Variants in MYH2 observed in about 807,000 individuals in gnomAD.
MYH2 encodes myosin heavy chain 2, also known as myosin-2.
In MYH2, 139 loss-of-function variants were observed where a neutral mutation model predicts 228.1. That is an observed-to-expected ratio of 0.61 (90% confidence interval 0.53 to 0.70). MYH2 has a LOEUF of 0.70. Ranked by LOEUF, MYH2 falls within the 30% of genes least tolerant of loss-of-function variation. MYH2 has a pLI of 0.00. For missense variants in MYH2, 1,809 were observed against 2,357.5 expected (o/e 0.77, Z 4.82); for synonymous variants, 796 against 871.1 (o/e 0.91, Z 1.52).
chr17:10,533,581 G>C lies in MYH2; in HGVS notation c.2232C>G (p.Ser744Arg), dbSNP rs201382074. Reference protein sequence around the residue: ...SAIPEGQFIDSKKASEKLLAS... With the variant: ...SAIPEGQFIDRKKASEKLLAS... Reference sequence around the variant, plus strand: ...CAAGGAGCTTCTCAGAGGCCTTCTTGCTATCAATGAATTGCCCTTCAGGGA... The same window carrying C: ...CAAGGAGCTTCTCAGAGGCCTTCTTCCTATCAATGAATTGCCCTTCAGGGA... The change falls in exon 20 of 40, where the codon AGC becomes AGG. Residue 744 changes from serine to arginine, a missense_variant. Ser to Arg is a moderately radical substitution (Grantham distance 110). Transcript: ENST00000245503. The C allele has an allele frequency of 9.3e-6, 15 of 1,614,124 alleles. No homozygotes were observed. The highest frequency in any genetic ancestry group is 1.2e-5 in the Non-Finnish European group (14 of 1,179,966).
In MYH2 at chr17:10,524,794, G is replaced by T; in HGVS notation, c.4934C>A (p.Ala1645Asp). 6.2e-7 allele frequency: 1 copy of T among 1,614,100 alleles called. No homozygotes were observed. The highest frequency in any genetic ancestry group is 8.5e-7 in the Non-Finnish European group (1 of 1,180,018). The stretch of plus-strand genomic sequence containing the variant: ...TTGGGTGTTCCTGTAGTTCCTCAGG[G>T]CCTCAGCAGCCATGCGGTTGGCATG... The part of the protein sequence containing the change: ...LNHANRMAAE[A>D]LRNYRNTQGI... The change falls in exon 34 of 40, where the codon GCC becomes GAC. Residue 1645 changes from alanine (A) to aspartate (D), a missense_variant. This residue lies in a region of MYH2 where 75 missense variants were observed against 131.2 expected (regional missense o/e 0.57). Coordinates refer to ENST00000245503, the MANE Select transcript of MYH2 (RefSeq NM_017534.6). This position sits in a 1 kb window ranked among gnomAD's most constrained non-coding sequence, Gnocchi z 4.7.
At position 10,543,772 on chromosome 17, in the gene MYH2, T is replaced by A. The variant is rs1241748144; in HGVS notation, c.680A>T (p.Asn227Ile). The change falls in exon 8 of 40, where the codon AAC (asparagine) becomes ATC (isoleucine). Residue 227 changes from asparagine (N) to isoleucine (I), a missense_variant. This residue lies in a region of MYH2 where 373 missense variants were observed against 620.4 expected (regional missense o/e 0.60). Transcript: ENST00000245503. ...GTLEDQIISA[N>I]PLLEAFGNAK... The stretch of plus-strand genomic sequence containing the variant: ...GTTGCCAAAGGCCTCCAGTAGGGGG[T>A]TGGCACTGATGATTTGATCTTCCAG... 11 of 1,613,988 alleles carry A rather than the reference T, an allele frequency of 6.8e-6. No homozygotes were observed. The South Asian group carries it at 1.2e-4, about 18-fold the overall frequency.
chr17:10,531,366 A>C (rs1204396748), intron 22 of MYH2, among the ~76,000 whole-genome samples: 1 of 152,210 alleles, frequency 6.6e-6, no homozygotes, highest in Non-Finnish European at 1.5e-5. Flanking sequence ...GTATTTAAAG[A>C]GAAAATAAGT....
Position 10,525,589 on chromosome 17 carries a change from C to T in MYH2, c.4399G>A (p.Glu1467Lys). ...KILAEWKQKCEETHAELEASQ... is the reference protein window; with the variant it reads ...KILAEWKQKCKETHAELEASQ... ...GCCTCAAGCTCAGCATGCGTTTCCT[C>T]ACATTTCTGTTTCCATTCTGCCAGG... The change falls in exon 32 of 40, where the codon GAG (glutamate) becomes AAG (lysine). Residue 1467 changes from glutamate (E) to lysine (K), a missense_variant. This residue lies in a region of MYH2 where 636 missense variants were observed against 729.9 expected (regional missense o/e 0.87). Coordinates refer to ENST00000245503, the MANE Select transcript of MYH2 (RefSeq NM_017534.6). This position sits in a 1 kb window ranked among gnomAD's most constrained non-coding sequence, Gnocchi z 4.2. 1 of 1,614,206 alleles carries T rather than the reference C, an allele frequency of 6.2e-7. No individual in the cohort carries two copies.
rs886052572 is a variant in MYH2, at chr17:10,545,356, G to T, written c.495C>A (p.Phe165Leu). 1 of 1,613,640 alleles carries T rather than the reference G, an allele frequency of 6.2e-7. No homozygotes were observed. Among genetic ancestry groups the T allele is most frequent in the Non-Finnish European group, 8.5e-7 (1 of 1,179,902 alleles). ...IFSISDNAYQFMLTDRENQSI... is the reference protein window; with the variant it reads ...IFSISDNAYQLMLTDRENQSI... ...ATTCGGCTCACTCACCAGTCAGCAT[G>T]AACTGATAGGCGTTGTCAGAGATGG... Residue 165 changes from phenylalanine to leucine, a missense_variant, in exon 5 of 40, where the codon TTC (phenylalanine) becomes TTA (leucine). Phe to Leu is a conservative substitution (Grantham distance 22). Transcript: ENST00000245503.
intron 17 of MYH2, among the ~76,000 whole-genome samples, chr17:10,535,622 C>T (rs2073474318): frequency 6.6e-6 from 1 of 152,200 alleles, no homozygotes; most frequent in Non-Finnish European, 1.5e-5. Flanking sequence ...TATGCCAACA[C>T]CATCCTTTCT....
Position 10,544,017 on chromosome 17 carries a change from C to T in MYH2, c.534-1G>A. On this transcript the variant is annotated splice_acceptor_variant, in intron 6 of 39. Transcript: ENST00000245503. LOFTEE classifies it high-confidence loss of function. ...AGTCTTCCCTGCACCAGATTCTCCA[C>T]TGTCAAATCAAAACTCAATCAGATG... 2 of 1,614,204 alleles carry T rather than the reference C, an allele frequency of 1.2e-6. No homozygotes were observed. The highest frequency in any genetic ancestry group is 2.7e-5 in the African/African-American group (2 of 75,046).
At position 10,523,778 on chromosome 17, in the gene MYH2, G is replaced by A. The variant is rs377385495; in HGVS notation, c.5282C>T (p.Ala1761Val). Residue 1761 changes from alanine (A) to valine (V), a missense_variant, in exon 36 of 40, where the codon GCC becomes GTC. Physicochemically the swap from Ala to Val is moderately conservative, Grantham distance 64. Coordinates refer to ENST00000245503, the MANE Select transcript of MYH2 (RefSeq NM_017534.6). ...ACTCACATCAGTGATGGCCTTCTTGGCCTTTTCTTCTGCATTGCGGGCTTC... is the reference window on the plus strand; with the variant it reads ...ACTCACATCAGTGATGGCCTTCTTGACCTTTTCTTCTGCATTGCGGGCTTC... ...LQEARNAEEK[A>V]KKAITDAAMM... 89 of 1,614,044 alleles carry A rather than the reference G, an allele frequency of 5.5e-5. No homozygotes were observed. Among genetic ancestry groups the A allele is most frequent in the Non-Finnish European group, 7.2e-5 (85 of 1,180,040 alleles).
At position 10,523,563 on chromosome 17, in the gene MYH2, C is replaced by G; in HGVS notation, c.5405G>C (p.Arg1802Pro). ...MEQTVKDLQL[R>P]LDEAEQLALK... ...GGCCAGCTGCTCAGCCTCATCCAGA[C>G]GGAGCTGCAGATCCTTCACGGTCTG... is the stretch of plus-strand genomic sequence containing the variant. The change falls in exon 37 of 40, where the codon CGT (arginine) becomes CCT (proline). Residue 1802 changes from arginine (R) to proline (P), a missense_variant. This residue lies in a region of MYH2 where 278 missense variants were observed against 308.5 expected (regional missense o/e 0.90). Transcript: ENST00000245503. 1 of 1,614,208 alleles carries G rather than the reference C, an allele frequency of 6.2e-7. No individual in the cohort carries two copies. Among genetic ancestry groups the G allele is most frequent in the Non-Finnish European group, 8.5e-7 (1 of 1,180,040 alleles).
chr17:10,530,235 C>G (rs1488181731), intron 22 of MYH2, among the ~76,000 whole-genome samples, 161 bp from the exon 23 acceptor site: 2 of 152,216 alleles, frequency 1.3e-5, no homozygotes, highest in Non-Finnish European at 2.9e-5. Context: ...TGTACATTTT[C>G]CACATGTGGG....
chr17:10,540,159 C>T, intron 11 of MYH2, 93 bp from the exon 12 acceptor site: 1 of 1,556,434 alleles, frequency 6.4e-7, no homozygotes, highest in Non-Finnish European at 8.8e-7. Flanking sequence ...GAGGAAACTA[C>T]CAGTGCTAAT....
intron 21 of MYH2, among the ~76,000 whole-genome samples, chr17:10,532,612 T>C (rs533410118): frequency 2.0e-5 from 3 of 152,318 alleles, no homozygotes; most frequent in Non-Finnish European, 4.4e-5. Flanking sequence ...TTGCTTCATA[T>C]AAATTATTTA....
chr17:10,523,894 A>T lies in MYH2; in HGVS notation c.5176-10T>A, dbSNP rs886052563. ...TGATCAGGCTGGTGTTCTGTTTAAA[A>T]AGAATTTGTACATTTAAAAAATTGT... On this transcript the variant is annotated splice_polypyrimidine_tract_variant and intron_variant, in intron 35 of 39. Coordinates refer to ENST00000245503, the MANE Select transcript of MYH2 (RefSeq NM_017534.6). 6.2e-7 allele frequency: 1 copy of T among 1,612,322 alleles called. No homozygotes were observed. The highest frequency in any genetic ancestry group is 8.5e-7 in the Non-Finnish European group (1 of 1,178,830).
chr17:10,540,165 C>G, intron 11 of MYH2, 99 bp from the exon 12 acceptor site: 1 of 1,520,008 alleles, frequency 6.6e-7, no homozygotes, highest in Non-Finnish European at 9.1e-7. Flanking sequence ...ACTACCAGTG[C>G]TAATGGGAGA....
chr17:10,548,758 G>A (rs73974763), intron 2 of MYH2, among the ~76,000 whole-genome samples: 2,270 of 152,222 alleles, frequency 0.015, 65 homozygotes, highest in African/African-American at 0.052. Context: ...CGTTCTATGT[G>A]ATCTGTAGGT....
chr17:10,537,531 G>T lies in MYH2; in HGVS notation c.1599C>A (p.Ile533=), dbSNP rs1242525725. Residue 533 remains isoleucine (I), a synonymous_variant, in exon 16 of 40, where the codon ATC becomes ATA. Coordinates refer to ENST00000245503, the MANE Select transcript of MYH2 (RefSeq NM_017534.6). The surrounding 1 kb of genome is among the most constrained non-coding windows in gnomAD (Gnocchi z 4.0). ...TGCACTCCTCTTCCAGGATGGAGAA[G>T]ATGCCCATAGGCTAAAAAGCAGACC... ...CIELIEKPMG[I]FSILEEECMF... The T allele has an allele frequency of 1.9e-6, 3 of 1,614,090 alleles. No individual in the cohort carries two copies. Among genetic ancestry groups the T allele is most frequent in the Non-Finnish European group, 2.5e-6 (3 of 1,180,044 alleles).
chr17:10,530,461 T>C (rs2073411467), intron 22 of MYH2, among the ~76,000 whole-genome samples: 1 of 152,098 alleles, frequency 6.6e-6, no homozygotes, highest in African/African-American at 2.4e-5. Flanking sequence ...GAAATCAACT[T>C]ATTGTGGAGA....
chr17:10,549,337 T>C (rs1027396089), intron 2 of MYH2, 38 bp downstream of exon 2: 2 of 152,672 alleles, frequency 1.3e-5, no homozygotes, highest in African/African-American at 4.8e-5. Flanking sequence ...CAGAGCCTCT[T>C]GCATTCTCCT....
Position 10,525,441 on chromosome 17 carries a change from A to G in MYH2, c.4537+10T>C. 1 of 1,614,190 alleles carries G rather than the reference A, an allele frequency of 6.2e-7. No individual in the cohort carries two copies. Among genetic ancestry groups the G allele is most frequent in the South Asian group, 1.1e-5 (1 of 91,082 alleles). On this transcript the variant is annotated intron_variant, in intron 32 of 39. Transcript: ENST00000245503. This position sits in a 1 kb window ranked among gnomAD's most constrained non-coding sequence, Gnocchi z 4.2. ...AGTTATGAATATTATTGAATATGAT[A>G]GGGACTTACGCTGTAAGTTTTTGTT... is the stretch of plus-strand genomic sequence containing the variant.
Sources: allele counts gnomAD v4.1 joint callset (sites outside exome capture counted in the v4.1 genomes callset), GRCh38; gene constraint gnomAD v4.1.1; regional missense constraint gnomAD v4.1.1; non-coding constraint Gnocchi (gnomAD v3.1); transcripts MANE v1.5; gene names NCBI Gene and HGNC (gene_info 2026-07-23, HGNC 2026-07-21).